SLC25A42: variants seen among roughly 807,000 people sequenced by gnomAD.
The protein encoded by SLC25A42 is mitochondrial coenzyme A transporter SLC25A42.
SLC25A42 carries 19 observed loss-of-function variants against 34.7 expected under a neutral mutation model. The ratio of observed to expected loss-of-function variants is 0.55; its 90% CI spans 0.38 to 0.80. The LOEUF is 0.80. Among genes scored for constraint, SLC25A42 ranks in the 30% least tolerant of loss-of-function variants. The pLI is 0.00. For synonymous variants in SLC25A42, 205 were observed against 191.2 expected, an observed-to-expected ratio of 1.07 and a Z score of -0.59; for missense variants, 364 against 441.3, an observed-to-expected ratio of 0.82 and a Z score of 1.57.
intron 1 of SLC25A42, among the ~76,000 whole-genome samples, chr19:19,094,545 C>T (rs2059754687): frequency 6.6e-6 from 1 of 152,130 alleles, no homozygotes; most frequent in African/African-American, 2.4e-5. Flanking sequence ...CTCTCTGGCC[C>T]CATCTTTGAA....
intron 2 of SLC25A42, among the ~76,000 whole-genome samples, chr19:19,100,589 C>T (rs2059790897): frequency 6.6e-6 from 1 of 152,196 alleles, no homozygotes; most frequent in Admixed American, 6.5e-5. Context: ...TGACCTGCAC[C>T]TCATCCTTCA....
At chr19:19,096,286 TC>T in intron 2 of SLC25A42, 81 bp downstream of exon 2, 3 of 880,372 alleles carry the variant, frequency 3.4e-6, no homozygotes, top group Non-Finnish European at 4.7e-6. Context: ...CCCTGCCTCC[TC>T]CTCCCAGCCT....
intron 1 of SLC25A42, among the ~76,000 whole-genome samples, chr19:19,072,823 T>A (rs2059637843): frequency 1.3e-5 from 2 of 151,490 alleles, no homozygotes; most frequent in Non-Finnish European, 2.9e-5. Flanking sequence ...AGACTATAAG[T>A]GTGCGCCACC....
chr19:19,077,678 A>G (rs1295738790), intron 1 of SLC25A42, among the ~76,000 whole-genome samples: 1 of 152,222 alleles, frequency 6.6e-6, no homozygotes, highest in Non-Finnish European at 1.5e-5. Context: ...ACCTGAGGCC[A>G]GGAGTTCGAA....
intron 6 of SLC25A42, chr19:19,106,934 C>CAAA (rs55754833): frequency 4.7e-5 from 2 of 42,998 alleles, no homozygotes; most frequent in African/African-American, 1.0e-4. Flanking sequence ...CTCTGTCTCT[C>CAAA]AAAAAAAAAA....
intron 1 of SLC25A42, among the ~76,000 whole-genome samples, chr19:19,090,599 G>C (rs527578125): frequency 2.0e-5 from 3 of 151,992 alleles, no homozygotes; most frequent in Non-Finnish European, 4.4e-5. Flanking sequence ...AGGCTGAGGC[G>C]GGAGGATCAC....
chr19:19,066,597 C>A (rs1163956292), intron 1 of SLC25A42, among the ~76,000 whole-genome samples: 2 of 152,004 alleles, frequency 1.3e-5, no homozygotes, highest in Non-Finnish European at 2.9e-5. Flanking sequence ...TACAGGCACC[C>A]ACCACTACAC....
intron 7 of SLC25A42, among the ~76,000 whole-genome samples, chr19:19,110,068 C>T (rs538447888): frequency 3.3e-5 from 5 of 152,112 alleles, no homozygotes; most frequent in South Asian, 2.1e-4. Flanking sequence ...ATTTCTCGGC[C>T]GGGCTCGGTG....
chr19:19,067,824 C>G (rs2059610207), intron 1 of SLC25A42, among the ~76,000 whole-genome samples: 1 of 151,976 alleles, frequency 6.6e-6, no homozygotes, highest in Non-Finnish European at 1.5e-5. Flanking sequence ...TTTCGAGACT[C>G]TCTCCAATTG....
intron 7 of SLC25A42, 148 bp downstream of exon 7, chr19:19,108,193 G>T: frequency 1.2e-6 from 1 of 844,852 alleles, no homozygotes. Flanking sequence ...ATCCAAATCG[G>T]GAGAAAACAC....
intron 1 of SLC25A42, among the ~76,000 whole-genome samples, chr19:19,086,024 G>C (rs146514142): frequency 6.6e-6 from 1 of 152,214 alleles, no homozygotes; most frequent in Non-Finnish European, 1.5e-5. Flanking sequence ...GTGCCGTGGA[G>C]GACCTGGACC....
chr19:19,102,743 A>AAAAC (rs940067788), intron 3 of SLC25A42, among the ~76,000 whole-genome samples: 5 of 148,548 alleles, frequency 3.4e-5, no homozygotes, highest in Non-Finnish European at 7.4e-5. Context: ...CTCTGTCTCA[A>AAAAC]AAATAAATAA....
At chr19:19,067,321 T>A (rs957568060) in intron 1 of SLC25A42, among the ~76,000 whole-genome samples, 1 of 152,202 alleles carries the variant, frequency 6.6e-6, no homozygotes, top group Non-Finnish European at 1.5e-5. Flanking sequence ...ATGCAGTGGT[T>A]CACACCACCC....
intron 2 of SLC25A42, among the ~76,000 whole-genome samples, chr19:19,097,362 A>G (rs769546796): frequency 1.3e-5 from 2 of 152,212 alleles, no homozygotes; most frequent in Admixed American, 6.5e-5. Context: ...GGCACAGGGC[A>G]GGCACGTGCC....
rs192475838 is a variant in SLC25A42, at chr19:19,112,101, G to C, written c.*1225G>C. Reference sequence around the variant, plus strand: ...TTGATTTCTTTTTTTTGTTTGTTTTGTTTTGGTTTTCAACTTGGCTGACCC... The same window carrying C: ...TTGATTTCTTTTTTTTGTTTGTTTTCTTTTGGTTTTCAACTTGGCTGACCC... On this transcript the variant is annotated 3_prime_UTR_variant, in exon 8 of 8. Transcript: ENST00000318596. This position sits in a 1 kb window ranked among gnomAD's most constrained non-coding sequence, Gnocchi z 4.3. The C allele has an allele frequency of 1.7e-3, 255 of 152,288 alleles. No individual in the cohort carries two copies. Among genetic ancestry groups the C allele is most frequent in the African/African-American group, 5.9e-3 (244 of 41,530 alleles). The allele number at this position is 152,288 out of a possible 1,614,324, so 9.4% of individuals were successfully genotyped here.
intron 2 of SLC25A42, among the ~76,000 whole-genome samples, chr19:19,098,426 T>G (rs2059777078): frequency 6.6e-6 from 1 of 152,124 alleles, no homozygotes; most frequent in South Asian, 2.1e-4. Context: ...AGCAAGACCT[T>G]GTCTTTGCAA....
In SLC25A42 at chr19:19,094,521, T is replaced by A. The variant is rs80319627; in HGVS notation, c.-34-1570T>A. ...GACTGGCACCTCCACGTACGTGCTC[T>A]AGGCTCTTCCTTTCTCTCTGGCCCC... On this transcript the variant is annotated intron_variant, in intron 1 of 7. Transcript: ENST00000318596. Among the ~76,000 whole-genome samples the A allele has an allele frequency of 1.7e-3, 258 of 152,320 alleles. 7 individuals are homozygous for A. The East Asian group carries it at 0.045, about 26-fold the overall frequency.
chr19:19,087,927 G>A (rs957182909), intron 1 of SLC25A42, among the ~76,000 whole-genome samples: 14 of 152,200 alleles, frequency 9.2e-5, no homozygotes, highest in Non-Finnish European at 4.4e-5. Flanking sequence ...TGTCCTGTGG[G>A]GTTGCTTAGG....
intron 6 of SLC25A42, 78 bp from the exon 7 acceptor site, chr19:19,107,816 G>A: frequency 6.5e-7 from 1 of 1,530,634 alleles, no homozygotes; most frequent in Non-Finnish European, 8.9e-7. Context: ...GGCTTCGGGA[G>A]GAGCCGAGAG....
Sources: gnomAD v4.1 joint callset for allele counts (sites outside exome capture counted in the v4.1 genomes callset) on GRCh38, gnomAD v4.1.1 for gene constraint, Gnocchi (gnomAD v3.1) non-coding constraint, MANE v1.5 for transcripts, NCBI Gene and HGNC (gene_info 2026-07-23, HGNC 2026-07-21) for gene names.